Variants in COX7A2L observed in about 807,000 individuals in gnomAD.
The protein encoded by COX7A2L is cytochrome c oxidase subunit 7A2-like, mitochondrial.
Under a neutral mutation model 14.2 loss-of-function variants are expected in COX7A2L, and 18 were observed. That is an observed-to-expected ratio of 1.27 (90% CI 0.88 to 1.88). The LOEUF is 1.88. Among genes scored for constraint, COX7A2L ranks in the 40% most tolerant of loss-of-function variants. The probability of loss-of-function intolerance (pLI) is 0.00; values close to 1 mark genes in which losing one functional copy is unlikely to be tolerated. For synonymous variants in COX7A2L, 65 were observed against 57.4 expected (o/e 1.13, Z -0.60); for missense variants, 179 against 138.8 (o/e 1.29, Z -1.46).
At chr2:42,362,360 C>CTT (rs1251963454), upstream of COX7A2L, among the ~76,000 whole-genome samples, 3 of 152,212 alleles carry the variant, frequency 2.0e-5, no homozygotes, top group Non-Finnish European at 2.9e-5. Context: ...TCTAGATGCA[C>CTT]TTATGAAATC....
chr2:42,353,390 A>G (rs779716917), intron 1 of COX7A2L, 47 bp from the exon 2 acceptor site: 1 of 1,608,272 alleles, frequency 6.2e-7, no homozygotes, highest in Non-Finnish European at 8.5e-7. Flanking sequence ...ATGTCTGAGG[A>G]GGCTGTCTGG....
At chr2:42,368,003 TTG>T (rs1671200909) in intron 1 of COX7A2L, among the ~76,000 whole-genome samples, 1 of 152,232 alleles carries the variant, frequency 6.6e-6, no homozygotes, top group African/African-American at 2.4e-5. Flanking sequence ...ATCAAGGTGT[TTG>T]TGTTTTCTCC....
downstream of COX7A2L, among the ~76,000 whole-genome samples, chr2:42,348,045 G>T (rs1400598516): frequency 1.3e-5 from 2 of 152,218 alleles, no homozygotes; most frequent in East Asian, 3.8e-4. Context: ...GTAGGGAGGT[G>T]ATCAAAGACT....
At chr2:42,345,390 AAAAC>A (rs1230501547), downstream of COX7A2L, among the ~76,000 whole-genome samples, 1 of 152,314 alleles carries the variant, frequency 6.6e-6, no homozygotes, top group East Asian at 1.9e-4. Context: ...TCTCAAAACA[AAAAC>A]AAAAACAAAA....
intron 1 of COX7A2L, among the ~76,000 whole-genome samples, chr2:42,357,295 C>A (rs1670853297): frequency 6.6e-6 from 1 of 152,094 alleles, no homozygotes; most frequent in South Asian, 2.1e-4. Context: ...TGCAGTGACT[C>A]AATTCATTTG....
intron 1 of COX7A2L, among the ~76,000 whole-genome samples, chr2:42,356,602 C>T (rs1670826142): frequency 6.6e-6 from 1 of 152,194 alleles, no homozygotes; most frequent in Admixed American, 6.6e-5. Flanking sequence ...ATTCCCATAG[C>T]AATAAGAAAA....
In COX7A2L at chr2:42,351,219, T is replaced by G; in HGVS notation, c.345A>C (p.Ter115CysextTer22). ...LYMASQPKNK[*>C] ...ACAAACCAGTCCTCTGCAGCCTAAC[T>G]CATTTGTTTTTGGGCTGCGAAGCCA... The change falls in exon 3 of 3, where the codon TGA becomes TGC. Residue 115 changes from the stop codon to cysteine, a stop_lost. Coordinates refer to ENST00000234301, the MANE Select transcript of COX7A2L (RefSeq NM_004718.4). The G allele has an allele frequency of 6.2e-7, 1 of 1,613,520 alleles. No individual in the cohort carries two copies.
chr2:42,346,464 C>G (rs975784001), downstream of COX7A2L, among the ~76,000 whole-genome samples: 1 of 152,108 alleles, frequency 6.6e-6, no homozygotes, highest in East Asian at 1.9e-4. Flanking sequence ...GCCCAATAGA[C>G]CAATACATTT....
downstream of COX7A2L, chr2:42,349,293 CACA>C (rs1381338295): frequency 6.6e-6 from 1 of 152,114 alleles, no homozygotes; most frequent in Non-Finnish European, 1.5e-5. Context: ...CGATTCATGC[CACA>C]ACATGGATGA....
rs386390054 is a variant in COX7A2L at position 42,355,717 on chromosome 2, CTTTTTTTTTT to C, written c.73-2384_73-2375del. Among the ~76,000 whole-genome samples, 7 of 69,052 alleles carry C rather than the reference CTTTTTTTTTT, an allele frequency of 1.0e-4. No homozygotes were observed. In the East Asian group the frequency reaches 2.0e-3, roughly 20 times the overall value. The allele number at this position is 69,052 out of a possible 152,430, so 45.3% of individuals were successfully genotyped here. The stretch of plus-strand genomic sequence containing the variant: ...CAGTCACAGTGTAAAATCCTACGTT[CTTTTTTTTTT>C]TTTTTTTTTTTTTTTTGAGACGGAA... On this transcript the variant is annotated intron_variant, in intron 1 of 2. Transcript: ENST00000234301.
In COX7A2L at chr2:42,338,829, A is replaced by G. The variant is rs529836023; in HGVS notation, c.193-4960T>C. On this transcript the variant is annotated intron_variant, in intron 2 of 2. Transcript: ENST00000468711. This position sits in a 1 kb window ranked among gnomAD's most constrained non-coding sequence, Gnocchi z 4.4. ...TGGGTTTAGGTGTTATCTGTGCGGC[A>G]GAGGTACCATCTCCCATGTCTAGAA... Among the ~76,000 whole-genome samples the G allele has an allele frequency of 6.6e-6, 1 of 152,344 alleles. No individual in the cohort carries two copies. The highest frequency in any genetic ancestry group is 2.4e-5 in the African/African-American group (1 of 41,582).
intron 2 of COX7A2L, among the ~76,000 whole-genome samples, chr2:42,340,828 G>A (rs990552114): frequency 2.0e-5 from 3 of 152,124 alleles, no homozygotes; most frequent in Non-Finnish European, 2.9e-5. Flanking sequence ...GGGAGGCCAG[G>A]AGCAGTGTCG....
chr2:42,337,827 G>A (rs1057426298), intron 2 of COX7A2L, among the ~76,000 whole-genome samples: 5 of 152,108 alleles, frequency 3.3e-5, no homozygotes, highest in Non-Finnish European at 5.9e-5. Flanking sequence ...TTACTACCAC[G>A]AAGCCTTTTG....
At chr2:42,363,842 A>G (rs1023268585), upstream of COX7A2L, among the ~76,000 whole-genome samples, 10 of 152,202 alleles carry the variant, frequency 6.6e-5, no homozygotes, top group Non-Finnish European at 1.5e-4. Flanking sequence ...TCACCAGGTG[A>G]ACTGAGTGAG....
At position 42,361,112 on chromosome 2, in the gene COX7A2L, G is replaced by A. The variant is rs1328165038; in HGVS notation, c.50C>T (p.Ala17Val). The A allele has an allele frequency of 6.2e-7, 1 of 1,613,844 alleles. No individual in the cohort carries two copies. The highest frequency in any genetic ancestry group is 8.5e-7 in the Non-Finnish European group (1 of 1,179,914). Residue 17 changes from alanine (A) to valine (V), a missense_variant, in exon 1 of 3, where the codon GCT becomes GTT. Transcript: ENST00000234301. Reference sequence around the variant, plus strand: ...TACCTGCGGGCTATAGGCCTCCGAAGCCCATGCTCCTGCCAACTTCTGCGT... The same window carrying A: ...TACCTGCGGGCTATAGGCCTCCGAAACCCATGCTCCTGCCAACTTCTGCGT... ...GFTQKLAGAW[A>V]SEAYSPQGLK... is the part of the protein sequence containing the mutation.
intron 1 of COX7A2L, among the ~76,000 whole-genome samples, chr2:42,360,649 C>T (rs1392893947): frequency 6.6e-6 from 1 of 152,028 alleles, no homozygotes; most frequent in Admixed American, 6.6e-5. Context: ...TTTCTCTAAA[C>T]GCCTTTATAG....
intron 2 of COX7A2L, among the ~76,000 whole-genome samples, chr2:42,341,426 C>T (rs1028706721): frequency 4.6e-5 from 7 of 152,206 alleles, no homozygotes; most frequent in Non-Finnish European, 7.3e-5. Flanking sequence ...CCCAAGCTTG[C>T]CTGGGCTGGG....
rs565795623 is a variant in COX7A2L, at chr2:42,367,441, C to T, written c.-688+1427G>A. 4.6e-5 allele frequency among the ~76,000 whole-genome samples: 7 copies of T among 151,660 alleles called. No individual in the cohort carries two copies. The East Asian group carries it at 9.6e-4, about 21-fold the overall frequency. On this transcript the variant is annotated intron_variant, in intron 1 of 3. Transcript: ENST00000378669. ...GGGGAGGAGAGCTGGGGTCTTCTCC[C>T]GAGAAATGGACAGGTCTGTAGTCTA...
intron 1 of COX7A2L, among the ~76,000 whole-genome samples, chr2:42,356,017 C>T (rs1352172236): frequency 2.0e-5 from 3 of 152,124 alleles, no homozygotes; most frequent in Non-Finnish European, 2.9e-5. Context: ...TGAGCCACCA[C>T]ACCCGGCCCA....
Sources: allele counts gnomAD v4.1 joint callset (sites outside exome capture counted in the v4.1 genomes callset), GRCh38; gene constraint gnomAD v4.1.1; non-coding constraint Gnocchi (gnomAD v3.1); transcripts MANE v1.5; gene names NCBI Gene and HGNC (gene_info 2026-07-23, HGNC 2026-07-21).